Variants in TAOK3 observed in about 807,000 individuals in gnomAD.
TAOK3 encodes the protein serine/threonine-protein kinase TAO3.
Under a neutral mutation model 120.4 loss-of-function variants are expected in TAOK3, and 40 were observed. The observed-to-expected ratio is 0.33, with a 90% CI of 0.26 to 0.43. TAOK3 has a LOEUF of 0.43. Ranked by LOEUF, TAOK3 falls within the 20% of genes least tolerant of loss-of-function variation. The probability of loss-of-function intolerance (pLI) is 1.00; values close to 1 mark genes in which losing one functional copy is unlikely to be tolerated. For missense variants in TAOK3, 821 were observed against 1,112.1 expected (o/e 0.74, Z 3.72); for synonymous variants, 355 against 387.5 (o/e 0.92, Z 0.99).
At chr12:118,169,540 A>C (rs1407106029) in intron 17 of TAOK3, among the ~76,000 whole-genome samples, 4 of 151,624 alleles carry the variant, frequency 2.6e-5, no homozygotes, top group Non-Finnish European at 4.4e-5. Flanking sequence ...CGAACTCCTG[A>C]CCTCAAGTGA....
chr12:118,368,702 A>T (rs1315888363), intron 1 of TAOK3, among the ~76,000 whole-genome samples: 1 of 150,710 alleles, frequency 6.6e-6, no homozygotes, highest in Non-Finnish European at 1.5e-5. Context: ...GCTACCCGGG[A>T]GGCTGAGGCA....
At chr12:118,314,555 G>A (rs2043379820) in intron 1 of TAOK3, among the ~76,000 whole-genome samples, 1 of 152,146 alleles carries the variant, frequency 6.6e-6, no homozygotes, top group African/African-American at 2.4e-5. Context: ...TAAAATGTAT[G>A]ACTCTTATTT....
chr12:118,294,771 A>G (rs1302939420), intron 1 of TAOK3, among the ~76,000 whole-genome samples: 1 of 138,802 alleles, frequency 7.2e-6, no homozygotes. Flanking sequence ...ATTCACACAC[A>G]TTGTTGTACC....
chr12:118,233,903 A>C (rs1349121392), intron 8 of TAOK3, 138 bp from the exon 9 acceptor site: 1 of 629,556 alleles, frequency 1.6e-6, no homozygotes, highest in Non-Finnish European at 2.8e-6. Context: ...TACACAAATA[A>C]TTTTGAAAAA....
Position 118,151,289 on chromosome 12 carries a change from G to GCACACA in TAOK3, c.2536-137_2536-132dup, listed in dbSNP as rs773751889. The GCACACA allele has an allele frequency of 7.7e-4, 194 of 253,028 alleles. 1 individual carries two copies. Among genetic ancestry groups the GCACACA allele is most frequent in the African/African-American group, 1.9e-3 (53 of 28,132 alleles). The allele number at this position is 253,028 out of a possible 1,614,324, so 15.7% of individuals were successfully genotyped here. On this transcript the variant is annotated intron_variant, in intron 20 of 20. Transcript: ENST00000392533. ...GCACACACATGAAGTGCGCGCGCGC[G>GCACACA]CACACACACACACACACACACACAC...
chr12:118,235,674 A>G lies in TAOK3; in HGVS notation c.438-3T>C. On this transcript the variant is annotated splice_polypyrimidine_tract_variant and splice_region_variant and intron_variant, in intron 7 of 20. Coordinates refer to ENST00000392533, the MANE Select transcript of TAOK3 (RefSeq NM_016281.4). ...GAATATTTCCTGCTTTAATATCCCT[A>G]TAGGAAAAAAAAAAAGGGTTAGAAA... is the stretch of plus-strand genomic sequence containing the variant. 1 of 1,547,956 alleles carries G rather than the reference A, an allele frequency of 6.5e-7. No homozygotes were observed. The highest frequency in any genetic ancestry group is 8.8e-7 in the Non-Finnish European group (1 of 1,136,942).
At chr12:118,308,959 A>G (rs1363694998) in intron 1 of TAOK3, among the ~76,000 whole-genome samples, 1 of 143,186 alleles carries the variant, frequency 7.0e-6, no homozygotes, top group Non-Finnish European at 1.5e-5. Context: ...AAAAAAAAAA[A>G]GCCTGTATGG....
chr12:118,337,528 G>A (rs2044415767), intron 1 of TAOK3, among the ~76,000 whole-genome samples: 2 of 152,114 alleles, frequency 1.3e-5, no homozygotes, highest in Non-Finnish European at 2.9e-5. Flanking sequence ...TTCTTTAATG[G>A]ATAAAGGATT....
chr12:118,243,355 G>GA (rs1566001748), intron 5 of TAOK3, 60 bp downstream of exon 5: 45 of 904,924 alleles, frequency 5.0e-5, no homozygotes, highest in Admixed American at 8.0e-5. Context: ...ATAGATAATA[G>GA]AAAAAAAAGA....
chr12:118,231,922 C>CAA (rs571893617), intron 9 of TAOK3, among the ~76,000 whole-genome samples: 26 of 115,610 alleles, frequency 2.2e-4, no homozygotes, highest in East Asian at 1.0e-3. Flanking sequence ...GATTGTGTCT[C>CAA]AAAAAAAAAA....
At chr12:118,321,287 G>A (rs897410788) in intron 1 of TAOK3, among the ~76,000 whole-genome samples, 2 of 151,898 alleles carry the variant, frequency 1.3e-5, no homozygotes, top group Admixed American at 1.3e-4. Context: ...TTCAGACAGG[G>A]TCTCACTCTG....
chr12:118,184,236 T>C (rs557368314), intron 14 of TAOK3, among the ~76,000 whole-genome samples: 7 of 152,220 alleles, frequency 4.6e-5, no homozygotes, highest in Non-Finnish European at 8.8e-5. Context: ...AATTGTCTTT[T>C]TGGGTATATA....
chr12:118,320,265 G>T (rs1260393924), intron 1 of TAOK3, among the ~76,000 whole-genome samples: 1 of 152,120 alleles, frequency 6.6e-6, no homozygotes, highest in Non-Finnish European at 1.5e-5. Flanking sequence ...GAAATAGATA[G>T]TGATGTTCCC....
At chr12:118,224,361 T>G in intron 9 of TAOK3, among the ~76,000 whole-genome samples, 1 of 152,242 alleles carries the variant, frequency 6.6e-6, no homozygotes, top group South Asian at 2.1e-4. Flanking sequence ...TATTCATTTA[T>G]TAACAGATAA....
At chr12:118,317,727 A>T (rs2043530131) in intron 1 of TAOK3, among the ~76,000 whole-genome samples, 1 of 152,148 alleles carries the variant, frequency 6.6e-6, no homozygotes, top group African/African-American at 2.4e-5. Context: ...TCAAAATCCC[A>T]ATGGTGTTTT....
intron 3 of TAOK3, among the ~76,000 whole-genome samples, chr12:118,254,156 T>C (rs947032254): frequency 1.3e-5 from 2 of 152,252 alleles, no homozygotes; most frequent in African/African-American, 4.8e-5. Flanking sequence ...CATCAGGAGA[T>C]AGTCACATTC....
chr12:118,226,531 TAA>T (rs140746961), intron 9 of TAOK3, among the ~76,000 whole-genome samples: 1,282 of 124,700 alleles, frequency 0.01, 12 homozygotes, highest in African/African-American at 0.034. Flanking sequence ...AGACTCCGTC[TAA>T]AAAAAAAAAA....
intron 5 of TAOK3, among the ~76,000 whole-genome samples, chr12:118,242,294 T>G (rs1043520783): frequency 1.3e-5 from 2 of 152,200 alleles, no homozygotes; most frequent in African/African-American, 4.8e-5. Context: ...AATTTCTTAT[T>G]TTCAGAATGG....
chr12:118,288,116 C>A (rs555929314), intron 1 of TAOK3, among the ~76,000 whole-genome samples: 1 of 151,712 alleles, frequency 6.6e-6, no homozygotes, highest in African/African-American at 2.4e-5. Context: ...CCTGTTTCTC[C>A]CCTGTTTCTA....
Sources: gnomAD v4.1 joint callset for allele counts (sites outside exome capture counted in the v4.1 genomes callset) on GRCh38, gnomAD v4.1.1 for gene constraint, MANE v1.5 for transcripts, NCBI Gene and HGNC (gene_info 2026-07-23, HGNC 2026-07-21) for gene names.